The following TECTA variants were observed in gnomAD, a reference collection of about 807,000 sequenced individuals.
TECTA encodes alpha-tectorin.
TECTA carries 128 observed loss-of-function variants against 216.8 expected under a neutral mutation model. The observed-to-expected ratio is 0.59, with a 90% CI of 0.51 to 0.68. The LOEUF is 0.68. Ranked by LOEUF, TECTA falls within the 30% of genes least tolerant of loss-of-function variation. The pLI is 0.00. For synonymous variants in TECTA, 1,089 were observed against 1,117.1 expected (o/e 0.97, Z 0.50); for missense variants, 2,551 against 2,786.2 (o/e 0.92, Z 1.90).
chr11:121,121,156 T>C (rs183532285), intron 7 of TECTA, among the ~76,000 whole-genome samples: 37 of 152,312 alleles, frequency 2.4e-4, no homozygotes, highest in Non-Finnish European at 4.7e-4. Flanking sequence ...GATAAGGACC[T>C]CCTAAGGCTG....
At position 121,177,683 on chromosome 11, in the gene TECTA, G is replaced by A. The variant is rs1054474398; in HGVS notation, c.5999+8758G>A. Among the ~76,000 whole-genome samples the A allele has an allele frequency of 4.5e-4, 69 of 152,330 alleles. 1 individual carries two copies. The highest frequency in any genetic ancestry group is 3.4e-3 in the Middle Eastern group (1 of 294). Reference sequence around the variant, plus strand: ...GTTCTCAGATCTCCAGCTGCGTGCTGGGAGAACCACTGCTCCCTTCAAAGA... The same window carrying A: ...GTTCTCAGATCTCCAGCTGCGTGCTAGGAGAACCACTGCTCCCTTCAAAGA... On this transcript the variant is annotated intron_variant, in intron 20 of 23. Transcript: ENST00000392793.
At chr11:121,119,296 G>A (rs772265439) in intron 7 of TECTA, among the ~76,000 whole-genome samples, 1 of 152,112 alleles carries the variant, frequency 6.6e-6, no homozygotes, top group South Asian at 2.1e-4. Flanking sequence ...TGGCTTTGGT[G>A]ACTTCCTTAG....
At chr11:121,147,789 G>A (rs1002246546) in intron 12 of TECTA, among the ~76,000 whole-genome samples, 1 of 152,168 alleles carries the variant, frequency 6.6e-6, no homozygotes, top group Non-Finnish European at 1.5e-5. Context: ...TGTGCTGGGT[G>A]TACTGCTCCC....
chr11:121,128,562 G>A (rs1946640445), intron 9 of TECTA, among the ~76,000 whole-genome samples: 1 of 152,204 alleles, frequency 6.6e-6, no homozygotes, highest in Admixed American at 6.5e-5. Flanking sequence ...AGATAGAGCA[G>A]GACTAGCTCT....
At chr11:121,123,940 G>A (rs1285277844) in intron 7 of TECTA, among the ~76,000 whole-genome samples, 1 of 152,018 alleles carries the variant, frequency 6.6e-6, no homozygotes, top group Non-Finnish European at 1.5e-5. Context: ...TCCCAACCTA[G>A]GGCTGCTGTT....
At chr11:121,165,002 T>A (rs562131125) in intron 16 of TECTA, among the ~76,000 whole-genome samples, 1 of 152,240 alleles carries the variant, frequency 6.6e-6, no homozygotes, top group Non-Finnish European at 1.5e-5. Flanking sequence ...ACTTTTGACC[T>A]TGGGCAAGTT....
intron 12 of TECTA, among the ~76,000 whole-genome samples, chr11:121,149,917 G>A (rs1167230186): frequency 6.6e-6 from 1 of 152,216 alleles, no homozygotes; most frequent in Non-Finnish European, 1.5e-5. Flanking sequence ...CATCTGTCAT[G>A]TTCTCAGCAC....
At chr11:121,158,254 G>A in intron 14 of TECTA, 30 bp downstream of exon 14, 1 of 1,607,034 alleles carries the variant, frequency 6.2e-7, no homozygotes, top group African/African-American at 1.3e-5. Context: ...TTCTTAAGAA[G>A]GGGCCCGGAA....
Position 121,188,010 on chromosome 11 carries a change from A to C in TECTA, c.6162+16A>C, listed in dbSNP as rs1252520843. ...CTGTAAAATCGTAAGTGAGAGTGTG[A>C]AAACAAAGTGCTTAGCCTTATTTCT... On this transcript the variant is annotated intron_variant, in intron 21 of 23. Coordinates refer to ENST00000392793, the MANE Select transcript of TECTA (RefSeq NM_005422.4). The C allele has an allele frequency of 1.2e-6, 2 of 1,614,104 alleles. No individual in the cohort carries two copies. Among genetic ancestry groups the C allele is most frequent in the African/African-American group, 1.3e-5 (1 of 75,056 alleles).
intron 19 of TECTA, 158 bp from the exon 20 acceptor site, chr11:121,168,519 G>T: frequency 9.8e-7 from 1 of 1,025,568 alleles, no homozygotes; most frequent in Non-Finnish European, 1.5e-6. Flanking sequence ...AATGTAAATT[G>T]CCCCATGTGG....
Position 121,137,410 on chromosome 11 carries a change from A to T in TECTA, c.2942-11A>T, listed in dbSNP as rs1271580466. Reference sequence around the variant, plus strand: ...TTTTCTCAAACCCGTCTTCTCCTTGACCACCTGCAGCACTGGAGTGCCCAG... The same window carrying T: ...TTTTCTCAAACCCGTCTTCTCCTTGTCCACCTGCAGCACTGGAGTGCCCAG... On this transcript the variant is annotated splice_polypyrimidine_tract_variant and intron_variant, in intron 10 of 23. Transcript: ENST00000392793. 1 of 1,613,572 alleles carries T rather than the reference A, an allele frequency of 6.2e-7. No individual in the cohort carries two copies. The highest frequency in any genetic ancestry group is 1.1e-5 in the South Asian group (1 of 91,048).
rs368288093 is a variant in TECTA at position 121,128,065 on chromosome 11, C to T, written c.2088C>T (p.Cys696=). 73 of 1,612,586 alleles carry T rather than the reference C, an allele frequency of 4.5e-5. No individual in the cohort carries two copies. Among genetic ancestry groups the T allele is most frequent in the Admixed American group, 1.2e-4 (7 of 60,006 alleles). ...AGACCTGCGGCAGCGGGGAGGTGTGCGCCGTGGAGGACGGCTACCAGGGCT... is the reference window on the plus strand; with the variant it reads ...AGACCTGCGGCAGCGGGGAGGTGTGTGCCGTGGAGGACGGCTACCAGGGCT... ...FNKTCGSGEV[C]AVEDGYQGCF... is the part of the protein sequence containing the mutation. Residue 696 remains cysteine, a synonymous_variant, in exon 9 of 24, where the codon TGC becomes TGT. Coordinates refer to ENST00000392793, the MANE Select transcript of TECTA (RefSeq NM_005422.4).
At chr11:121,138,546 T>G (rs967074698) in intron 11 of TECTA, among the ~76,000 whole-genome samples, 5 of 152,222 alleles carry the variant, frequency 3.3e-5, no homozygotes, top group African/African-American at 1.2e-4. Flanking sequence ...AAGGGATCTG[T>G]GAGTTCATGA....
Position 121,162,117 on chromosome 11 carries a change from T to C in TECTA, c.5019T>C (p.Tyr1673=). The change falls in exon 16 of 24, where the codon TAT becomes TAC. Residue 1673 remains tyrosine, a synonymous_variant. Coordinates refer to ENST00000392793, the MANE Select transcript of TECTA (RefSeq NM_005422.4). ...PSCNELQFSQ[Y]AAMCDNVHIQ... Reference sequence around the variant, plus strand: ...GCAACGAGCTGCAGTTCTCACAGTATGCAGCCATGTGTGACAATGTGCACA... The same window carrying C: ...GCAACGAGCTGCAGTTCTCACAGTACGCAGCCATGTGTGACAATGTGCACA... The C allele has an allele frequency of 6.2e-7, 1 of 1,614,198 alleles. No homozygotes were observed. Among genetic ancestry groups the C allele is most frequent in the Non-Finnish European group, 8.5e-7 (1 of 1,180,040 alleles).
Position 121,128,077 on chromosome 11 carries a change from C to T in TECTA, c.2100C>T (p.Asp700=), listed in dbSNP as rs1273076759. 4 of 1,612,672 alleles carry T rather than the reference C, an allele frequency of 2.5e-6. No individual in the cohort carries two copies. Among genetic ancestry groups the T allele is most frequent in the Non-Finnish European group, 2.5e-6 (3 of 1,179,520 alleles). The stretch of plus-strand genomic sequence containing the variant: ...GCGGGGAGGTGTGCGCCGTGGAGGA[C>T]GGCTACCAGGGCTGCTTCCCCAAGC... ...CGSGEVCAVE[D]GYQGCFPKRE... is the part of the protein sequence containing the mutation. Residue 700 remains aspartate, a synonymous_variant, in exon 9 of 24, where the codon GAC becomes GAT. Transcript: ENST00000392793.
rs565466477 is a variant in TECTA at position 121,142,641 on chromosome 11, G to C, written c.3544-2914G>C. Reference sequence around the variant, plus strand: ...AGCCAGCTGGCACCGATCGGCCTCTGAGTGCAAGGCTTTTACTTTATTCGC... The same window carrying C: ...AGCCAGCTGGCACCGATCGGCCTCTCAGTGCAAGGCTTTTACTTTATTCGC... On this transcript the variant is annotated intron_variant, in intron 11 of 23. Transcript: ENST00000392793. Among the ~76,000 whole-genome samples, 105 of 152,310 alleles carry C rather than the reference G, an allele frequency of 6.9e-4. 1 individual carries two copies. The highest frequency in any genetic ancestry group is 2.4e-3 in the African/African-American group (99 of 41,556).
At chr11:121,180,228 C>T (rs937959534) in intron 20 of TECTA, among the ~76,000 whole-genome samples, 3 of 151,984 alleles carry the variant, frequency 2.0e-5, no homozygotes, top group African/African-American at 7.2e-5. Flanking sequence ...TGAGTTTACA[C>T]TTTTGTGTGT....
At chr11:121,165,108 G>A in intron 16 of TECTA, among the ~76,000 whole-genome samples, 165 bp from the exon 17 acceptor site, 1 of 152,238 alleles carries the variant, frequency 6.6e-6, no homozygotes, top group Non-Finnish European at 1.5e-5. Flanking sequence ...CTATGTGCTA[G>A]CTATTGACAT....
intron 21 of TECTA, among the ~76,000 whole-genome samples, chr11:121,188,232 C>T (rs779152743): frequency 2.0e-5 from 3 of 152,178 alleles, no homozygotes; most frequent in Non-Finnish European, 4.4e-5. Flanking sequence ...TCTCAAAGCT[C>T]GGCACTGTTG....
Sources: allele counts gnomAD v4.1 joint callset (sites outside exome capture counted in the v4.1 genomes callset), GRCh38; gene constraint gnomAD v4.1.1; transcripts MANE v1.5; gene names NCBI Gene and HGNC (gene_info 2026-07-23, HGNC 2026-07-21).